MYF5: variants seen among roughly 807,000 people sequenced by gnomAD.
MYF5 encodes class C basic helix-loop-helix protein 2.
In MYF5, 20 loss-of-function variants were observed where a neutral mutation model predicts 22.3. That is an observed-to-expected ratio of 0.90 (90% CI 0.63 to 1.30). MYF5 has a LOEUF of 1.30. Ranked by LOEUF, MYF5 falls within the 50% of genes most tolerant of loss-of-function variation. The pLI is 0.00. For missense variants in MYF5, 348 were observed against 325.9 expected, an observed-to-expected ratio of 1.07 and a Z score of -0.52; for synonymous variants, 141 against 128.4, an observed-to-expected ratio of 1.10 and a Z score of -0.66.
In MYF5 at chr12:80,717,387, G is replaced by T. The variant is rs773188053; in HGVS notation, c.324G>T (p.Arg108Ser). The change falls in exon 1 of 3, where the codon AGG (arginine) becomes AGT (serine). Residue 108 changes from arginine to serine, a missense_variant. Transcript: ENST00000228644. ...KVNQAFETLKRCTTTNPNQRL... is the reference protein window; with the variant it reads ...KVNQAFETLKSCTTTNPNQRL... ...ACCAGGCTTTCGAAACCCTCAAGAGGTGTACCACGACCAACCCCAACCAGA... is the reference window on the plus strand; with the variant it reads ...ACCAGGCTTTCGAAACCCTCAAGAGTTGTACCACGACCAACCCCAACCAGA... 1 of 1,614,158 alleles carries T rather than the reference G, an allele frequency of 6.2e-7. No homozygotes were observed. Among genetic ancestry groups the T allele is most frequent in the Admixed American group, 1.7e-5 (1 of 60,020 alleles).
At chr12:80,718,530 G>C (rs773123806) in intron 2 of MYF5, 97 bp downstream of exon 2, 81 of 1,092,526 alleles carry the variant, frequency 7.4e-5, no homozygotes, top group Non-Finnish European at 1.1e-4. Context: ...GGGGAAGGGA[G>C]AATGGAAGTG....
chr12:80,718,698 C>T (rs1377843935), intron 2 of MYF5, among the ~76,000 whole-genome samples, 163 bp from the exon 3 acceptor site: 1 of 152,168 alleles, frequency 6.6e-6, no homozygotes, highest in Non-Finnish European at 1.5e-5. Context: ...GTCTACCCCT[C>T]AGGAATTGCC....
chr12:80,718,523 G>C (rs1163262), intron 2 of MYF5, 90 bp downstream of exon 2: 1 of 1,177,212 alleles, frequency 8.5e-7, no homozygotes, highest in African/African-American at 1.5e-5. Flanking sequence ...TAGTATTGGG[G>C]AAGGGAGAAT....
In MYF5 at chr12:80,717,173, C is replaced by T. The variant is rs1168102564; in HGVS notation, c.110C>T (p.Ala37Val). The change falls in exon 1 of 3, where the codon GCT (alanine) becomes GTT (valine). Residue 37 changes from alanine (A) to valine (V), a missense_variant. Coordinates refer to ENST00000228644, the MANE Select transcript of MYF5 (RefSeq NM_005593.3). Reference protein sequence around the residue: ...EFGDEFVPRVAAFGAHKAELQ... With the variant: ...EFGDEFVPRVVAFGAHKAELQ... Reference sequence around the variant, plus strand: ...GGGGACGAGTTTGTGCCGCGAGTGGCTGCCTTCGGAGCGCACAAAGCAGAG... The same window carrying T: ...GGGGACGAGTTTGTGCCGCGAGTGGTTGCCTTCGGAGCGCACAAAGCAGAG... The T allele has an allele frequency of 6.2e-7, 1 of 1,613,946 alleles. No homozygotes were observed.
rs1868615298 is a variant in MYF5 at position 80,716,975 on chromosome 12, G to A, written c.-89G>A. 2.0e-6 allele frequency: 3 copies of A among 1,488,152 alleles called. No homozygotes were observed. The highest frequency in any genetic ancestry group is 2.7e-6 in the Non-Finnish European group (3 of 1,110,030). The allele number at this position is 1,488,152 out of a possible 1,614,324, so 92.2% of individuals were successfully genotyped here. On this transcript the variant is annotated 5_prime_UTR_variant, in exon 1 of 3. Coordinates refer to ENST00000228644, the MANE Select transcript of MYF5 (RefSeq NM_005593.3). The stretch of plus-strand genomic sequence containing the variant: ...AGCGACAGACTAGGGAGCTCCGCCC[G>A]GGATTTGCCCATCGGCGGAGGCGCC...
In MYF5 at chr12:80,717,100, G is replaced by C. The variant is rs934901586; in HGVS notation, c.37G>C (p.Glu13Gln). 2.5e-6 allele frequency: 4 copies of C among 1,610,920 alleles called. No homozygotes were observed. Among genetic ancestry groups the C allele is most frequent in the Admixed American group, 3.3e-5 (2 of 60,004 alleles). ...GGATGGCTGCCAGTTCTCACCTTCT[G>C]AGTACTTCTACGACGGCTCCTGCAT... ...VMDGCQFSPS[E>Q]YFYDGSCIPS... Residue 13 changes from glutamate (E) to glutamine (Q), a missense_variant, in exon 1 of 3, where the codon GAG becomes CAG. By Grantham distance (29) the Glu-to-Gln change is conservative (BLOSUM62 2). Coordinates refer to ENST00000228644, the MANE Select transcript of MYF5 (RefSeq NM_005593.3).
rs761835728 is a variant in MYF5, at chr12:80,716,936, T to C, written c.-128T>C. Reference sequence around the variant, plus strand: ...TACCCAGGCCAACAGGCGTCTGCCCTTGTTAATTACCGGAGCGACAGACTA... The same window carrying C: ...TACCCAGGCCAACAGGCGTCTGCCCCTGTTAATTACCGGAGCGACAGACTA... On this transcript the variant is annotated 5_prime_UTR_variant, in exon 1 of 3. Coordinates refer to ENST00000228644, the MANE Select transcript of MYF5 (RefSeq NM_005593.3). The C allele has an allele frequency of 5.4e-4, 640 of 1,190,812 alleles. 1 individual carries two copies. Among genetic ancestry groups the C allele is most frequent in the Non-Finnish European group, 7.2e-4 (623 of 864,200 alleles). The allele number at this position is 1,190,812 out of a possible 1,614,324, so 73.8% of individuals were successfully genotyped here.
In MYF5 at chr12:80,717,264, C is replaced by A. The variant is rs1208054843; in HGVS notation, c.201C>A (p.Cys67Ter). The A allele has an allele frequency of 4.3e-6, 7 of 1,614,002 alleles. No homozygotes were observed. The highest frequency in any genetic ancestry group is 1.3e-5 in the African/African-American group (1 of 74,918). Residue 67 changes from cysteine to a stop codon, truncating the protein, a stop_gained, in exon 1 of 3, where the codon TGC becomes TGA. Coordinates refer to ENST00000228644, the MANE Select transcript of MYF5 (RefSeq NM_005593.3). LOFTEE classifies it high-confidence loss of function. ...APTGHHQAGHCLMWACKACKR... is the reference protein window; with the variant it reads ...APTGHHQAGH ...CCGGCCACCACCAGGCTGGTCACTG[C>A]CTCATGTGGGCCTGCAAAGCCTGCA... is the stretch of plus-strand genomic sequence containing the variant.
chr12:80,717,693 G>A (rs973026789), intron 1 of MYF5, 129 bp downstream of exon 1: 9 of 1,210,266 alleles, frequency 7.4e-6, no homozygotes, highest in East Asian at 2.3e-5. Context: ...AGAAGAGAGG[G>A]GTCCACATTT....
intron 1 of MYF5, among the ~76,000 whole-genome samples, 163 bp from the exon 2 acceptor site, chr12:80,718,195 G>A (rs1416096794): frequency 6.6e-6 from 1 of 152,126 alleles, no homozygotes; most frequent in Non-Finnish European, 1.5e-5. Flanking sequence ...TGACCTCAGT[G>A]CCCTGGGAAT....
intron 1 of MYF5, 54 bp downstream of exon 1, chr12:80,717,618 T>C (rs1361010866): frequency 3.2e-6 from 5 of 1,568,050 alleles, no homozygotes; most frequent in Non-Finnish European, 4.3e-6. Context: ...CTAAAGTCCT[T>C]ACACCTCATT....
Position 80,716,937 on chromosome 12 carries a change from T to G in MYF5, c.-127T>G. On this transcript the variant is annotated 5_prime_UTR_variant, in exon 1 of 3. Transcript: ENST00000228644. ...ACCCAGGCCAACAGGCGTCTGCCCTTGTTAATTACCGGAGCGACAGACTAG... is the reference window on the plus strand; with the variant it reads ...ACCCAGGCCAACAGGCGTCTGCCCTGGTTAATTACCGGAGCGACAGACTAG... 1 of 1,198,416 alleles carries G rather than the reference T, an allele frequency of 8.3e-7. No homozygotes were observed. The highest frequency in any genetic ancestry group is 1.1e-6 in the Non-Finnish European group (1 of 870,690). 74.2% of individuals were successfully genotyped at this position (1,198,416 alleles called of 1,614,324 possible).
Position 80,717,030 on chromosome 12 carries a change from T to C in MYF5, c.-34T>C. 1 of 1,566,058 alleles carries C rather than the reference T, an allele frequency of 6.4e-7. No homozygotes were observed. The highest frequency in any genetic ancestry group is 8.6e-7 in the Non-Finnish European group (1 of 1,156,720). On this transcript the variant is annotated 5_prime_UTR_variant, in exon 1 of 3. Transcript: ENST00000228644. ...TCCCGTTTCTCCCCATCCCTCTCGC[T>C]GCCGTCCAGGTGCACCGCCTGCCTC...
At chr12:80,718,553 G>A in intron 2 of MYF5, 120 bp downstream of exon 2, 1 of 953,602 alleles carries the variant, frequency 1.0e-6, no homozygotes. Context: ...GGTTCTTATA[G>A]GGAGGCTTTG....
Position 80,717,514 on chromosome 12 carries a change from CAG to C in MYF5, c.454_455del (p.Ser152LeufsTer13). On this transcript the variant is annotated frameshift_variant, in exon 1 of 3. Transcript: ENST00000228644. LOFTEE classifies it high-confidence loss of function. ...QVENYYSLPG[Q>X]SCSEPTSPTS... The stretch of plus-strand genomic sequence containing the variant: ...GGAGAACTACTATAGCCTGCCGGGA[CAG>C]AGCTGCTCGGAGCCCACCAGCCCCA... The C allele has an allele frequency of 6.2e-7, 1 of 1,614,124 alleles. No homozygotes were observed. The highest frequency in any genetic ancestry group is 8.5e-7 in the Non-Finnish European group (1 of 1,180,030).
chr12:80,718,516 T>C (rs913140946), intron 2 of MYF5, 83 bp downstream of exon 2: 1 of 1,228,412 alleles, frequency 8.1e-7, no homozygotes. Context: ...TTGCTGATAG[T>C]ATTGGGGAAG....
Position 80,717,543 on chromosome 12 carries a change from C to T in MYF5, c.480C>T (p.Thr160=). The change falls in exon 1 of 3, where the codon ACC becomes ACT. Residue 160 remains threonine, a synonymous_variant. Transcript: ENST00000228644. ...GQSCSEPTSP[T]SNCSDGMPEC... Reference sequence around the variant, plus strand: ...GCTGCTCGGAGCCCACCAGCCCCACCTCCAACTGCTCTGATGGCATGGTAA... The same window carrying T: ...GCTGCTCGGAGCCCACCAGCCCCACTTCCAACTGCTCTGATGGCATGGTAA... 1.2e-6 allele frequency: 2 copies of T among 1,614,000 alleles called. No individual in the cohort carries two copies. Among genetic ancestry groups the T allele is most frequent in the Non-Finnish European group, 8.5e-7 (1 of 1,179,908 alleles).
chr12:80,719,100 GGAA>G lies in MYF5; in HGVS notation c.*57_*59del, dbSNP rs775305459. The G allele has an allele frequency of 4.8e-5, 71 of 1,473,162 alleles. 1 individual carries two copies. In the Middle Eastern group the frequency reaches 9.3e-4, roughly 19 times the overall value. The allele number at this position is 1,473,162 out of a possible 1,614,324, so 91.3% of individuals were successfully genotyped here. A position where few individuals can be genotyped will look rare whatever the true frequency, so the allele number is the denominator to read the frequency against. ...TTCTTCCAGGAGGGCCTAATACACA[GGAA>G]GAAGAAGGCTTCAAAAAGTCCCAAA... On this transcript the variant is annotated 3_prime_UTR_variant, in exon 3 of 3. Transcript: ENST00000228644.
rs200379919 is a variant in MYF5, at chr12:80,717,139, G to A, written c.76G>A (p.Gly26Ser). The change falls in exon 1 of 3, where the codon GGT (glycine) becomes AGT (serine). Residue 26 changes from glycine to serine, a missense_variant. Coordinates refer to ENST00000228644, the MANE Select transcript of MYF5 (RefSeq NM_005593.3). ...YDGSCIPSPE[G>S]EFGDEFVPRV... is the part of the protein sequence containing the mutation. Reference sequence around the variant, plus strand: ...CGGCTCCTGCATACCGTCCCCCGAGGGTGAATTTGGGGACGAGTTTGTGCC... The same window carrying A: ...CGGCTCCTGCATACCGTCCCCCGAGAGTGAATTTGGGGACGAGTTTGTGCC... 14 of 1,613,692 alleles carry A rather than the reference G, an allele frequency of 8.7e-6. No homozygotes were observed. The highest frequency in any genetic ancestry group is 1.1e-5 in the Non-Finnish European group (13 of 1,180,026).
Sources: allele counts gnomAD v4.1 joint callset (sites outside exome capture counted in the v4.1 genomes callset), GRCh38; gene constraint gnomAD v4.1.1; transcripts MANE v1.5; gene names NCBI Gene and HGNC (gene_info 2026-07-23, HGNC 2026-07-21).